The following COG3 variants were observed in gnomAD, a reference collection of about 807,000 sequenced individuals.
COG3 encodes component of oligomeric golgi complex 3.
In COG3, 32 loss-of-function variants were observed where a neutral mutation model predicts 114.1. That is an observed-to-expected ratio of 0.28 (90% confidence interval 0.21 to 0.38). COG3 has a LOEUF of 0.38. Ranked by LOEUF, COG3 falls within the 10% of genes least tolerant of loss-of-function variation. The probability of loss-of-function intolerance (pLI) is 1.00; values close to 1 mark genes in which losing one functional copy is unlikely to be tolerated. For synonymous variants in COG3, 352 were observed against 365.7 expected, an observed-to-expected ratio of 0.96 and a Z score of 0.43; for missense variants, 813 against 973.2, an observed-to-expected ratio of 0.84 and a Z score of 2.19.
chr13:45,492,089 G>A, intron 10 of COG3, 70 bp from the exon 11 acceptor site: 1 of 910,316 alleles, frequency 1.1e-6, no homozygotes, highest in Non-Finnish European at 1.7e-6. Flanking sequence ...TAAAGTGTAG[G>A]CTTTATTTCA....
At position 45,529,786 on chromosome 13, in the gene COG3, T is replaced by C; in HGVS notation, c.2231-5T>C. On this transcript the variant is annotated splice_polypyrimidine_tract_variant and splice_region_variant and intron_variant, in intron 20 of 22. Transcript: ENST00000349995. ...ATGACACTAATGAGGTTACTTTATT[T>C]CCAGCAAAGGTCAATGACCTTGCGG... 1 of 1,603,160 alleles carries C rather than the reference T, an allele frequency of 6.2e-7. No individual in the cohort carries two copies.
rs1887124291 is a variant in COG3 at position 45,493,229 on chromosome 13, A to G, written c.1188-118A>G. ...TCATTCTATAATGTCCTCAGATACT[A>G]TTTTCCAGTAGATACTTATTGTTCT... On this transcript the variant is annotated intron_variant, in intron 11 of 22. Coordinates refer to ENST00000349995, the MANE Select transcript of COG3 (RefSeq NM_031431.4). The G allele has an allele frequency of 2.0e-5, 15 of 756,152 alleles. No individual in the cohort carries two copies. The South Asian group carries it at 2.7e-4, about 14-fold the overall frequency. 46.8% of individuals were successfully genotyped at this position (756,152 alleles called of 1,614,324 possible).
rs1873515173 is a variant in COG3 at position 45,535,803 on chromosome 13, T to C, written c.*1072T>C. 1.0e-6 allele frequency: 1 copy of C among 987,632 alleles called. No individual in the cohort carries two copies. Among genetic ancestry groups the C allele is most frequent in the South Asian group, 4.7e-5 (1 of 21,382 alleles). The allele number at this position is 987,632 out of a possible 1,614,324, so 61.2% of individuals were successfully genotyped here. On this transcript the variant is annotated 3_prime_UTR_variant, in exon 23 of 23. Coordinates refer to ENST00000349995, the MANE Select transcript of COG3 (RefSeq NM_031431.4). ...AGGGATCATAAATTATGCATATCTA[T>C]GAATTTTCCAACAAATTCCTACTTC...
intron 8 of COG3, among the ~76,000 whole-genome samples, chr13:45,488,455 G>A (rs912500592): frequency 6.6e-6 from 1 of 152,102 alleles, no homozygotes; most frequent in African/African-American, 2.4e-5. Context: ...ATAACACATT[G>A]TATCCATGTA....
Position 45,536,248 on chromosome 13 carries a change from G to A in COG3, c.*1517G>A, listed in dbSNP as rs1873540657. The A allele has an allele frequency of 6.6e-6, 1 of 152,170 alleles. No homozygotes were observed. The highest frequency in any genetic ancestry group is 2.1e-4 in the South Asian group (1 of 4,828). 9.4% of individuals were successfully genotyped at this position (152,170 alleles called of 1,614,324 possible). A position where few individuals can be genotyped will look rare whatever the true frequency, so the allele number is the denominator to read the frequency against. ...TAAACTGTAAAATATCCAGTTTTGT[G>A]TATTATATGTACATTTGATTTTTAA... On this transcript the variant is annotated 3_prime_UTR_variant, in exon 23 of 23. Coordinates refer to ENST00000349995, the MANE Select transcript of COG3 (RefSeq NM_031431.4).
At chr13:45,476,164 A>G (rs1344839159) in intron 1 of COG3, 37 bp from the exon 2 acceptor site, 5 of 1,604,702 alleles carry the variant, frequency 3.1e-6, no homozygotes, top group Admixed American at 1.7e-5. Context: ...AGAATTTTCA[A>G]GTCACTTAAA....
intron 13 of COG3, among the ~76,000 whole-genome samples, chr13:45,499,217 A>G (rs1486237691): frequency 6.6e-6 from 1 of 152,134 alleles, no homozygotes; most frequent in Non-Finnish European, 1.5e-5. Context: ...GTCTCACAGA[A>G]GAAACCCTGG....
chr13:45,500,674 C>T (rs985856340), intron 13 of COG3, among the ~76,000 whole-genome samples: 4 of 152,146 alleles, frequency 2.6e-5, no homozygotes, highest in African/African-American at 9.7e-5. Flanking sequence ...ATACATTTGC[C>T]ACAATTAATG....
intron 6 of COG3, 28 bp from the exon 7 acceptor site, chr13:45,483,202 T>C: frequency 1.9e-6 from 3 of 1,553,964 alleles, no homozygotes; most frequent in Non-Finnish European, 2.6e-6. Context: ...TCATTTCCAC[T>C]TTGTAAATCT....
At chr13:45,471,968 G>A (rs1885529117) in intron 1 of COG3, among the ~76,000 whole-genome samples, 1 of 152,080 alleles carries the variant, frequency 6.6e-6, no homozygotes, top group Admixed American at 6.5e-5. Context: ...CCTGACCTCA[G>A]GTGATCCACC....
At chr13:45,503,554 G>C (rs968042958) in intron 14 of COG3, among the ~76,000 whole-genome samples, 2 of 152,198 alleles carry the variant, frequency 1.3e-5, no homozygotes, top group African/African-American at 4.8e-5. Flanking sequence ...GACCATGGAT[G>C]AGGGGCATGG....
intron 15 of COG3, among the ~76,000 whole-genome samples, chr13:45,510,178 A>T (rs1870706347): frequency 6.6e-6 from 1 of 152,236 alleles, no homozygotes; most frequent in Non-Finnish European, 1.5e-5. Flanking sequence ...GATATGGTTC[A>T]AAAGGAGTAT....
chr13:45,521,692 A>G (rs946842215), intron 19 of COG3, among the ~76,000 whole-genome samples: 7 of 152,210 alleles, frequency 4.6e-5, no homozygotes, highest in African/African-American at 1.4e-4. Context: ...TCTGAATAGC[A>G]GAGAAACAGG....
intron 11 of COG3, 52 bp from the exon 12 acceptor site, chr13:45,493,295 C>T: frequency 6.9e-7 from 1 of 1,457,836 alleles, no homozygotes; most frequent in Non-Finnish European, 9.4e-7. Flanking sequence ...TAAATTATTA[C>T]AAAATCCTGA....
At position 45,521,925 on chromosome 13, in the gene COG3, C is replaced by T. The variant is rs117731589; in HGVS notation, c.2154+2831C>T. Among the ~76,000 whole-genome samples, 539 of 151,826 alleles carry T rather than the reference C, an allele frequency of 3.6e-3. 32 individuals are homozygous for T. The East Asian group carries it at 0.091, about 26-fold the overall frequency. On this transcript the variant is annotated intron_variant, in intron 19 of 22. Transcript: ENST00000349995. ...CCAAGCAATTCTTTTGCCTCTGCCTCCTGAGTAGCTGAGATTACAGGTGTG... is the reference window on the plus strand; with the variant it reads ...CCAAGCAATTCTTTTGCCTCTGCCTTCTGAGTAGCTGAGATTACAGGTGTG...
chr13:45,471,681 A>G (rs1885492689), intron 1 of COG3, among the ~76,000 whole-genome samples: 1 of 149,856 alleles, frequency 6.7e-6, no homozygotes, highest in African/African-American at 2.5e-5. Context: ...GTCCTTTAAC[A>G]TTTCTTGTAG....
intron 14 of COG3, among the ~76,000 whole-genome samples, chr13:45,506,465 G>A (rs557865599): frequency 6.6e-6 from 1 of 152,190 alleles, no homozygotes; most frequent in South Asian, 2.1e-4. Context: ...TTATAAAGTG[G>A]CATGCTAAGT....
At chr13:45,497,055 T>C (rs909744925) in intron 13 of COG3, among the ~76,000 whole-genome samples, 1 of 152,306 alleles carries the variant, frequency 6.6e-6, no homozygotes, top group South Asian at 2.1e-4. Context: ...TAAAATTGAG[T>C]TAGTGATCCC....
At chr13:45,489,819 AT>A (rs66501920) in intron 8 of COG3, among the ~76,000 whole-genome samples, 3,105 of 146,218 alleles carry the variant, frequency 0.021, 106 homozygotes, top group African/African-American at 0.07. Flanking sequence ...ATTCCAATGG[AT>A]TTTTTTTTTT....
Sources: gnomAD v4.1 joint callset for allele counts (sites outside exome capture counted in the v4.1 genomes callset) on GRCh38, gnomAD v4.1.1 for gene constraint, MANE v1.5 for transcripts, NCBI Gene and HGNC (gene_info 2026-07-23, HGNC 2026-07-21) for gene names.